The following CPLANE1 variants were observed in gnomAD, a reference collection of about 807,000 sequenced individuals.
The protein encoded by CPLANE1 is ciliogenesis and planar polarity effector 1.
Under a neutral mutation model 362.5 loss-of-function variants are expected in CPLANE1, and 263 were observed. That is an observed-to-expected ratio of 0.73 (90% confidence interval 0.66 to 0.80). The LOEUF (loss-of-function observed/expected upper bound fraction) is 0.80. Among genes scored for constraint, CPLANE1 ranks in the 30% least tolerant of loss-of-function variants. CPLANE1 has a pLI of 0.00. For synonymous variants in CPLANE1, 1,212 were observed against 1,302.6 expected (o/e 0.93, Z 1.50); for missense variants, 3,461 against 3,793.4 (o/e 0.91, Z 2.30).
At chr5:37,090,010 A>T in the CPLANE1 span, among the ~76,000 whole-genome samples, 2 of 152,178 alleles carry the variant, frequency 1.3e-5, no homozygotes, top group African/African-American at 4.8e-5. Context: ...CACAGCTAAG[A>T]GATTTAATCA....
At chr5:37,232,393 C>G (rs1797908449) in intron 8 of CPLANE1, among the ~76,000 whole-genome samples, 1 of 151,870 alleles carries the variant, frequency 6.6e-6, no homozygotes, top group Non-Finnish European at 1.5e-5. Context: ...TGGTGGGCAC[C>G]TGTAATCCCA....
In CPLANE1 at chr5:37,231,759, C is replaced by T. The variant is rs1160880350; in HGVS notation, c.939-710G>A. Among the ~76,000 whole-genome samples, 4 of 151,890 alleles carry T rather than the reference C, an allele frequency of 2.6e-5. No individual in the cohort carries two copies. In the East Asian group the frequency reaches 5.8e-4, roughly 22 times the overall value. ...AACTGGTACTACTCCTTAACTATTT[C>T]GTGATTTTTTAATTTATTTTATTTT... On this transcript the variant is annotated intron_variant, in intron 8 of 52. Transcript: ENST00000651892.
chr5:37,085,218 G>C, the CPLANE1 span: 2 of 846,668 alleles, frequency 2.4e-6, no homozygotes, highest in South Asian at 2.6e-5. Context: ...ACTTAAGTAT[G>C]CCCTGACAGG....
chr5:37,167,472 T>A (rs925988686), intron 34 of CPLANE1, among the ~76,000 whole-genome samples: 4 of 152,340 alleles, frequency 2.6e-5, no homozygotes, highest in African/African-American at 2.4e-5. Context: ...CCTAATTTCA[T>A]TCCCTTATTA....
chr5:37,093,587 C>T, the CPLANE1 span, among the ~76,000 whole-genome samples: 1 of 152,202 alleles, frequency 6.6e-6, no homozygotes, highest in Admixed American at 6.5e-5. Flanking sequence ...CTGGGGGTCA[C>T]TCTTTGACTA....
intron 30 of CPLANE1, among the ~76,000 whole-genome samples, chr5:37,177,206 T>C (rs1477057297): frequency 1.3e-5 from 2 of 152,220 alleles, no homozygotes; most frequent in African/African-American, 4.8e-5. Context: ...GTGTACATCA[T>C]AGCCCTAATG....
At chr5:37,248,579 C>G (rs1198531329) in intron 1 of CPLANE1, among the ~76,000 whole-genome samples, 1 of 152,048 alleles carries the variant, frequency 6.6e-6, no homozygotes, top group Non-Finnish European at 1.5e-5. Context: ...CAAGAGAGTT[C>G]GAGGCTGCAG....
chr5:37,105,151 T>A (rs371613436), downstream of CPLANE1, among the ~76,000 whole-genome samples: 3 of 151,808 alleles, frequency 2.0e-5, no homozygotes, highest in African/African-American at 4.8e-5. Flanking sequence ...CTACAAAAAA[T>A]TAGCCAGGCA....
chr5:37,207,966 TTTTG>T (rs1791293403), intron 16 of CPLANE1, among the ~76,000 whole-genome samples: 1 of 152,190 alleles, frequency 6.6e-6, no homozygotes, highest in South Asian at 2.1e-4. Context: ...TTTTGTTTTG[TTTTG>T]TTTGAGACAG....
At chr5:37,174,136 A>G (rs1356635837) in intron 31 of CPLANE1, among the ~76,000 whole-genome samples, 189 bp from the exon 32 acceptor site, 3 of 152,190 alleles carry the variant, frequency 2.0e-5, no homozygotes, top group Non-Finnish European at 4.4e-5. Flanking sequence ...CACATTCGTC[A>G]TCAGCTCAAT....
rs1429062328 is a variant in CPLANE1 at position 37,179,444 on chromosome 5, C to G, written c.5738-1G>C. On this transcript the variant is annotated splice_acceptor_variant, in intron 28 of 52. Coordinates refer to ENST00000651892, the MANE Select transcript of CPLANE1 (RefSeq NM_001384732.1). LOFTEE classifies it high-confidence loss of function. ...CCTCCAACAGATTCTTCAATGTCTT[C>G]TAGCGATAAGTGAAGATGAAGAGAA... The G allele has an allele frequency of 6.2e-7, 1 of 1,606,376 alleles. No homozygotes were observed. The highest frequency in any genetic ancestry group is 8.5e-7 in the Non-Finnish European group (1 of 1,175,728).
At chr5:37,120,105 C>A (rs1762214971) in intron 50 of CPLANE1, 111 bp downstream of exon 50, 3 of 1,123,608 alleles carry the variant, frequency 2.7e-6, no homozygotes, top group Non-Finnish European at 3.8e-6. Flanking sequence ...CTGTTCAAAT[C>A]AGAACTCCTT....
At chr5:37,169,996 T>G in intron 33 of CPLANE1, 45 bp downstream of exon 33, 8 of 1,574,570 alleles carry the variant, frequency 5.1e-6, no homozygotes, top group Non-Finnish European at 6.9e-6. Context: ...ATTACAGACA[T>G]GAGCCACCGC....
At chr5:37,242,766 C>A (rs533939405) in intron 6 of CPLANE1, among the ~76,000 whole-genome samples, 15 of 151,852 alleles carry the variant, frequency 9.9e-5, no homozygotes, top group Non-Finnish European at 1.6e-4. Flanking sequence ...ATGCCTCATG[C>A]CTGTATTCCC....
At chr5:37,201,224 A>T (rs1038121478) in intron 19 of CPLANE1, among the ~76,000 whole-genome samples, 1 of 152,192 alleles carries the variant, frequency 6.6e-6, no homozygotes, top group African/African-American at 2.4e-5. Flanking sequence ...AGCCTAAAAA[A>T]TGCCTAATTT....
At chr5:37,194,703 G>A (rs535483597) in intron 21 of CPLANE1, among the ~76,000 whole-genome samples, 1 of 150,424 alleles carries the variant, frequency 6.6e-6, no homozygotes, top group Non-Finnish European at 1.5e-5. Flanking sequence ...ACGTTGCCCA[G>A]GCTGGAGTGC....
At chr5:37,198,632 T>A in intron 20 of CPLANE1, 70 bp downstream of exon 20, 1 of 1,418,824 alleles carries the variant, frequency 7.0e-7, no homozygotes, top group South Asian at 1.4e-5. Context: ...ATAACAATTA[T>A]AAAAACAATA....
chr5:37,174,112 G>A (rs1011076085), intron 31 of CPLANE1, among the ~76,000 whole-genome samples, 165 bp from the exon 32 acceptor site: 4 of 152,012 alleles, frequency 2.6e-5, no homozygotes, highest in Admixed American at 6.6e-5. Flanking sequence ...TCTAGTGCCC[G>A]TCAGCCCCCC....
Position 37,123,930 on chromosome 5 carries a change from TACAC to T in CPLANE1, c.8958+1310_8958+1313del, listed in dbSNP as rs56833956. On this transcript the variant is annotated intron_variant, in intron 47 of 52. Coordinates refer to ENST00000651892, the MANE Select transcript of CPLANE1 (RefSeq NM_001384732.1). ...CATTCTACATTAGGCTAGGGGAACA[TACAC>T]ACACACACACACACACACACACACA... Among the ~76,000 whole-genome samples, 551 of 144,474 alleles carry T rather than the reference TACAC, an allele frequency of 3.8e-3. 5 individuals carry two copies. The highest frequency in any genetic ancestry group is 3.5e-3 in the Admixed American group (50 of 14,408). The allele number at this position is 144,474 out of a possible 152,430, so 94.8% of individuals were successfully genotyped here. A position where few individuals can be genotyped will look rare whatever the true frequency, so the allele number is the denominator to read the frequency against.
Sources: gnomAD v4.1 joint callset for allele counts (sites outside exome capture counted in the v4.1 genomes callset) on GRCh38, gnomAD v4.1.1 for gene constraint, MANE v1.5 for transcripts, NCBI Gene and HGNC (gene_info 2026-07-23, HGNC 2026-07-21) for gene names.